Variants in AGBL1 observed in about 807,000 individuals in gnomAD.
The protein encoded by AGBL1 is cytosolic carboxypeptidase 4.
Under a neutral mutation model 118.9 loss-of-function variants are expected in AGBL1, and 130 were observed. The ratio of observed to expected loss-of-function variants is 1.09; its 90% confidence interval spans 0.95 to 1.26. The LOEUF (loss-of-function observed/expected upper bound fraction) is 1.26, where lower values mean the gene tolerates loss of function less well. Among genes scored for constraint, AGBL1 ranks in the 50% most tolerant of loss-of-function variants. The pLI is 0.00. For missense variants in AGBL1, 1,584 were observed against 1,298.1 expected (o/e 1.22, Z -3.38); for synonymous variants, 555 against 478.9 (o/e 1.16, Z -2.08).
intron 22 of AGBL1, among the ~76,000 whole-genome samples, chr15:86,896,133 C>CA (rs1039709130): frequency 1.3e-3 from 199 of 151,234 alleles, no homozygotes; most frequent in African/African-American, 4.7e-3. Context: ...CCTTTTTTCC[C>CA]AAAAAAATCT....
intron 1 of AGBL1, among the ~76,000 whole-genome samples, chr15:86,108,151 G>A (rs1177303256): frequency 6.6e-6 from 1 of 152,134 alleles, no homozygotes; most frequent in South Asian, 2.1e-4. Context: ...TAAAATAAGG[G>A]GAAGATACTA....
chr15:86,638,840 C>G (rs1052448985), intron 21 of AGBL1, among the ~76,000 whole-genome samples: 2 of 152,308 alleles, frequency 1.3e-5, no homozygotes, highest in African/African-American at 2.4e-5. Flanking sequence ...CTGAGTGTGG[C>G]TCAGTTGGGC....
chr15:86,343,070 G>C (rs2080485697), intron 17 of AGBL1, among the ~76,000 whole-genome samples: 1 of 151,878 alleles, frequency 6.6e-6, no homozygotes, highest in Non-Finnish European at 1.5e-5. Flanking sequence ...GATAAAGGTG[G>C]GTTTTTACAT....
chr15:86,382,824 T>C (rs2081130376), intron 17 of AGBL1, among the ~76,000 whole-genome samples: 1 of 152,120 alleles, frequency 6.6e-6, no homozygotes. Flanking sequence ...CTTAATTCTG[T>C]TTGTGGAGTA....
chr15:86,883,860 C>G (rs2079931250), intron 22 of AGBL1, among the ~76,000 whole-genome samples: 1 of 152,030 alleles, frequency 6.6e-6, no homozygotes, highest in African/African-American at 2.4e-5. Flanking sequence ...ATTTATATGG[C>G]CTAGGCACAC....
At chr15:87,023,114 A>G (rs1460135127) in intron 24 of AGBL1, among the ~76,000 whole-genome samples, 1 of 152,110 alleles carries the variant, frequency 6.6e-6, no homozygotes, top group Non-Finnish European at 1.5e-5. Flanking sequence ...TGATGAATGG[A>G]ATGGTACCTC....
chr15:86,493,000 G>A (rs762402643), intron 18 of AGBL1, among the ~76,000 whole-genome samples: 14 of 152,080 alleles, frequency 9.2e-5, no homozygotes, highest in South Asian at 4.1e-4. Context: ...CATCCTGGCC[G>A]AAGGCCAACA....
In AGBL1 at chr15:86,787,149, T is replaced by A. The variant is rs563052777; in HGVS notation, c.3158+112713T>A. On this transcript the variant is annotated intron_variant, in intron 22 of 22. Transcript: ENST00000614907. ...ATTTGTATATATTTAATACATAATG[T>A]TTATATATATATATACTGAAATGAT... Among the ~76,000 whole-genome samples, 194 of 152,242 alleles carry A rather than the reference T, an allele frequency of 1.3e-3. 1 individual carries two copies. The highest frequency in any genetic ancestry group is 4.5e-3 in the African/African-American group (186 of 41,514).
intron 22 of AGBL1, among the ~76,000 whole-genome samples, chr15:86,779,127 C>T (rs552397494): frequency 4.0e-4 from 61 of 152,200 alleles, no homozygotes; most frequent in African/African-American, 1.3e-3. Context: ...ACCCTTCCTA[C>T]GGATCGTTCA....
At chr15:86,478,864 G>C (rs1274868849) in intron 18 of AGBL1, among the ~76,000 whole-genome samples, 1 of 152,134 alleles carries the variant, frequency 6.6e-6, no homozygotes, top group Non-Finnish European at 1.5e-5. Flanking sequence ...AAAACAGCAC[G>C]ATACTGGTAC....
At chr15:86,728,175 A>G (rs562645565) in intron 22 of AGBL1, among the ~76,000 whole-genome samples, 1 of 152,298 alleles carries the variant, frequency 6.6e-6, no homozygotes, top group East Asian at 1.9e-4. Flanking sequence ...TATAGATGTG[A>G]TAAGTGAGGT....
chr15:86,773,991 C>T (rs996120083), intron 22 of AGBL1, among the ~76,000 whole-genome samples: 10 of 152,012 alleles, frequency 6.6e-5, no homozygotes, highest in East Asian at 5.8e-4. Flanking sequence ...ATGTGGGTGT[C>T]GGCAAGCCCC....
intron 22 of AGBL1, among the ~76,000 whole-genome samples, chr15:86,864,481 A>C (rs1435602346): frequency 6.6e-6 from 1 of 152,206 alleles, no homozygotes; most frequent in East Asian, 1.9e-4. Flanking sequence ...ATAGATAAGA[A>C]AATGGATATG....
intron 6 of AGBL1, among the ~76,000 whole-genome samples, chr15:86,232,968 A>C (rs574836287): frequency 9.8e-5 from 15 of 152,322 alleles, no homozygotes; most frequent in African/African-American, 2.9e-4. Context: ...ATAATTACGG[A>C]GCACAGCACT....
intron 17 of AGBL1, among the ~76,000 whole-genome samples, chr15:86,342,958 G>A (rs953777809): frequency 2.2e-4 from 34 of 152,166 alleles, no homozygotes; most frequent in Non-Finnish European, 4.4e-4. Flanking sequence ...AACTGGCAAT[G>A]GGTTGTATAA....
At chr15:86,876,941 A>G (rs1438469990) in intron 22 of AGBL1, among the ~76,000 whole-genome samples, 1 of 152,154 alleles carries the variant, frequency 6.6e-6, no homozygotes, top group Non-Finnish European at 1.5e-5. Flanking sequence ...TGCGTGGCAC[A>G]ATAATAAAAA....
At chr15:86,705,107 G>A (rs921295279) in intron 22 of AGBL1, among the ~76,000 whole-genome samples, 2 of 152,078 alleles carry the variant, frequency 1.3e-5, no homozygotes, top group Non-Finnish European at 2.9e-5. Context: ...CACAGGGAGG[G>A]AAACGTCACA....
Position 86,530,237 on chromosome 15 carries a change from A to G in AGBL1, c.2685+7298A>G, listed in dbSNP as rs2083330295. On this transcript the variant is annotated intron_variant, in intron 19 of 22. Transcript: ENST00000614907. Reference sequence around the variant, plus strand: ...CCATCTCACGTGCAGAGACACACATAGGCTGAAAATAAAAGGATGGAGGAA... The same window carrying G: ...CCATCTCACGTGCAGAGACACACATGGGCTGAAAATAAAAGGATGGAGGAA... 2.2e-5 allele frequency among the ~76,000 whole-genome samples: 3 copies of G among 134,080 alleles called. 1 individual carries two copies. Among genetic ancestry groups the G allele is most frequent in the Admixed American group, 2.1e-4 (3 of 14,222 alleles). 88.0% of individuals were successfully genotyped at this position (134,080 alleles called of 152,430 possible). A position where few individuals can be genotyped will look rare whatever the true frequency, so the allele number is the denominator to read the frequency against.
At position 86,248,606 on chromosome 15, in the gene AGBL1, G is replaced by A. The variant is rs866390224; in HGVS notation, c.735+727G>A. ...AAATAAGTTATTGTAGAAATGGCCC[G>A]TGCTTAGAAGAGTGCTTGCCATGAC... On this transcript the variant is annotated intron_variant, in intron 7 of 22. Coordinates refer to ENST00000614907, the MANE Select transcript of AGBL1 (RefSeq NM_001386094.1). Among the ~76,000 whole-genome samples, 9 of 152,254 alleles carry A rather than the reference G, an allele frequency of 5.9e-5. No homozygotes were observed. The Middle Eastern group carries it at 0.01, about 173-fold the overall frequency.
Sources: gnomAD v4.1 joint callset for allele counts (sites outside exome capture counted in the v4.1 genomes callset) on GRCh38, gnomAD v4.1.1 for gene constraint, MANE v1.5 for transcripts, NCBI Gene and HGNC (gene_info 2026-07-23, HGNC 2026-07-21) for gene names.